Variants in ITGB3BP observed in about 807,000 individuals in gnomAD.
The protein encoded by ITGB3BP is centromere protein R.
Under a neutral mutation model 29.1 loss-of-function variants are expected in ITGB3BP, and 27 were observed. That is an observed-to-expected ratio of 0.93 (90% CI 0.68 to 1.28). The LOEUF is 1.28. Ranked by LOEUF, ITGB3BP falls within the 50% of genes most tolerant of loss-of-function variation. The probability of loss-of-function intolerance (pLI) is 0.00; values close to 1 mark genes in which losing one functional copy is unlikely to be tolerated. For synonymous variants in ITGB3BP, 61 were observed against 61.4 expected (o/e 0.99, Z 0.03); for missense variants, 192 against 200.2 (o/e 0.96, Z 0.25).
intron 4 of ITGB3BP, among the ~76,000 whole-genome samples, chr1:63,469,390 G>A (rs1041901348): frequency 2.0e-5 from 3 of 151,274 alleles, no homozygotes; most frequent in East Asian, 1.9e-4. Context: ...GCAATGGCAC[G>A]ATCTCGGCTC....
At chr1:63,443,761 A>G (rs142787992) in intron 8 of ITGB3BP, among the ~76,000 whole-genome samples, 183 of 152,210 alleles carry the variant, frequency 1.2e-3, no homozygotes, top group Non-Finnish European at 2.4e-3. Flanking sequence ...GAAGTAATAT[A>G]ATCTGGCAGC....
intron 7 of ITGB3BP, chr1:63,449,419 A>G (rs1421772681): frequency 1.3e-5 from 2 of 152,230 alleles, no homozygotes; most frequent in Non-Finnish European, 2.9e-5. Flanking sequence ...CTGTTAAAGT[A>G]TAAAAAATTT....
chr1:63,459,453 A>T, intron 4 of ITGB3BP, among the ~76,000 whole-genome samples: 1 of 152,260 alleles, frequency 6.6e-6, no homozygotes, highest in East Asian at 1.9e-4. Flanking sequence ...TATCTTTACA[A>T]TACTATGATT....
chr1:63,522,899 A>G (rs1570354197), intron 1 of ITGB3BP: 1 of 711,522 alleles, frequency 1.4e-6, no homozygotes, highest in East Asian at 2.7e-5. Context: ...AGTTTACGAA[A>G]TCTGTCAAAA....
At chr1:63,458,801 T>G (rs1644971979) in intron 4 of ITGB3BP, among the ~76,000 whole-genome samples, 1 of 152,172 alleles carries the variant, frequency 6.6e-6, no homozygotes, top group African/African-American at 2.4e-5. Context: ...AGGGACCCAG[T>G]AACTATTTGA....
chr1:63,465,069 T>C (rs1232288846), intron 4 of ITGB3BP, among the ~76,000 whole-genome samples: 5 of 152,210 alleles, frequency 3.3e-5, no homozygotes, highest in Admixed American at 2.6e-4. Flanking sequence ...ACAGTAATTA[T>C]ATCAATGTTA....
chr1:63,509,266 C>A (rs553171755), intron 1 of ITGB3BP, among the ~76,000 whole-genome samples: 1 of 152,328 alleles, frequency 6.6e-6, no homozygotes, highest in African/African-American at 2.4e-5. Context: ...ATTTATAATA[C>A]TTTATTTCAT....
chr1:63,454,103 AAATAT>A lies in ITGB3BP; in HGVS notation c.428-134_428-130del, dbSNP rs1287853525. Reference sequence around the variant, plus strand: ...TACATATTTATAAGTACCAAATATAAAATATAATACCTTATTATATATTATAAAAA... The same window carrying A: ...TACATATTTATAAGTACCAAATATAAAATACCTTATTATATATTATAAAAA... On this transcript the variant is annotated intron_variant, in intron 6 of 8. Coordinates refer to ENST00000271002, the MANE Select transcript of ITGB3BP (RefSeq NM_014288.5). This position sits in a 1 kb window ranked among gnomAD's most constrained non-coding sequence, Gnocchi z 4.1. The A allele has an allele frequency of 1.3e-5, 7 of 540,422 alleles. No individual in the cohort carries two copies. The highest frequency in any genetic ancestry group is 3.8e-5 in the African/African-American group (2 of 52,034). The allele number at this position is 540,422 out of a possible 1,614,324, so 33.5% of individuals were successfully genotyped here.
In ITGB3BP at chr1:63,442,350, T is replaced by C. The variant is rs559381238; in HGVS notation, c.*2-1247A>G. On this transcript the variant is annotated intron_variant, in intron 8 of 8. Transcript: ENST00000271002. ...AATTCTTCCCTCCTTGTAGTTTCCC[T>C]ATCACTGTCTACTCTCAATCCCAGT... Among the ~76,000 whole-genome samples, 12 of 152,326 alleles carry C rather than the reference T, an allele frequency of 7.9e-5. 1 individual carries two copies. The highest frequency in any genetic ancestry group is 2.9e-4 in the African/African-American group (12 of 41,572).
intron 8 of ITGB3BP, among the ~76,000 whole-genome samples, chr1:63,441,524 CTG>C (rs1409287524): frequency 1.3e-5 from 2 of 152,216 alleles, no homozygotes; most frequent in African/African-American, 2.4e-5. Flanking sequence ...GCATGAGCCA[CTG>C]TGCCCGGCCT....
chr1:63,454,532 G>A lies in ITGB3BP; in HGVS notation c.334-59C>T. ...TCTACACACATGAGATTACTGACAT[G>A]TCTAGTGAAAATACAGTATATTGTT... On this transcript the variant is annotated intron_variant, in intron 5 of 8. Coordinates refer to ENST00000271002, the MANE Select transcript of ITGB3BP (RefSeq NM_014288.5). This position sits in a 1 kb window ranked among gnomAD's most constrained non-coding sequence, Gnocchi z 4.1. The A allele has an allele frequency of 1.3e-6, 1 of 781,616 alleles. No homozygotes were observed. The highest frequency in any genetic ancestry group is 2.1e-6 in the Non-Finnish European group (1 of 472,258). 48.4% of individuals were successfully genotyped at this position (781,616 alleles called of 1,614,324 possible). A position where few individuals can be genotyped will look rare whatever the true frequency, so the allele number is the denominator to read the frequency against.
chr1:63,450,665 C>A (rs1222567158), intron 7 of ITGB3BP, among the ~76,000 whole-genome samples: 1 of 151,928 alleles, frequency 6.6e-6, no homozygotes, highest in Non-Finnish European at 1.5e-5. Context: ...ACATCCAAAT[C>A]TTACAGAAAA....
chr1:63,497,238 G>A lies in ITGB3BP; in HGVS notation c.49-7020C>T, dbSNP rs146290866. Among the ~76,000 whole-genome samples, 590 of 152,192 alleles carry A rather than the reference G, an allele frequency of 3.9e-3. 3 individuals carry two copies. Among genetic ancestry groups the A allele is most frequent in the African/African-American group, 0.013 (526 of 41,488 alleles). On this transcript the variant is annotated intron_variant, in intron 2 of 8. Transcript: ENST00000271002. ...GAGGATCACTTGAGTCGAGGAGTTC[G>A]AGGCTGCAGTGAAACATGATTATAC...
chr1:63,454,881 A>C lies in ITGB3BP; in HGVS notation c.333+9T>G, dbSNP rs1303444194. 2 of 1,398,826 alleles carry C rather than the reference A, an allele frequency of 1.4e-6. No homozygotes were observed. The highest frequency in any genetic ancestry group is 2.0e-6 in the Non-Finnish European group (2 of 991,764). 86.7% of individuals were successfully genotyped at this position (1,398,826 alleles called of 1,614,324 possible). A position where few individuals can be genotyped will look rare whatever the true frequency, so the allele number is the denominator to read the frequency against. On this transcript the variant is annotated intron_variant, in intron 5 of 8. Coordinates refer to ENST00000271002, the MANE Select transcript of ITGB3BP (RefSeq NM_014288.5). This position sits in a 1 kb window ranked among gnomAD's most constrained non-coding sequence, Gnocchi z 4.1. Reference sequence around the variant, plus strand: ...TTCAAACAGGGTAGAAGTATGAAAAAATGCAAACCTGTATACTACTTAAAT... The same window carrying C: ...TTCAAACAGGGTAGAAGTATGAAAACATGCAAACCTGTATACTACTTAAAT...
chr1:63,488,901 T>C (rs1180360206), intron 3 of ITGB3BP, among the ~76,000 whole-genome samples: 1 of 152,040 alleles, frequency 6.6e-6, no homozygotes, highest in East Asian at 1.9e-4. Context: ...CCAACTGAAA[T>C]CATGTGACCA....
At chr1:63,445,916 T>C (rs1644785614) in intron 8 of ITGB3BP, among the ~76,000 whole-genome samples, 2 of 151,612 alleles carry the variant, frequency 1.3e-5, no homozygotes. Flanking sequence ...GTTGTTGTTT[T>C]TTCCTGAGAC....
At chr1:63,475,888 C>T (rs1242618666) in intron 4 of ITGB3BP, among the ~76,000 whole-genome samples, 2 of 149,802 alleles carry the variant, frequency 1.3e-5, no homozygotes, top group Non-Finnish European at 3.0e-5. Context: ...ATCCCAGCTA[C>T]TAGGGAGGCT....
At chr1:63,444,309 CTG>C (rs760483674) in intron 8 of ITGB3BP, among the ~76,000 whole-genome samples, 12 of 151,884 alleles carry the variant, frequency 7.9e-5, no homozygotes, top group Non-Finnish European at 1.3e-4. Context: ...AAATGTGTAA[CTG>C]TGACGATGTA....
chr1:63,454,869 G>C lies in ITGB3BP; in HGVS notation c.333+21C>G. ...CATTTTATCCTTTTCAAACAGGGTA[G>C]AAGTATGAAAAAATGCAAACCTGTA... On this transcript the variant is annotated intron_variant, in intron 5 of 8. Coordinates refer to ENST00000271002, the MANE Select transcript of ITGB3BP (RefSeq NM_014288.5). This position sits in a 1 kb window ranked among gnomAD's most constrained non-coding sequence, Gnocchi z 4.1. The C allele has an allele frequency of 8.8e-7, 1 of 1,137,026 alleles. No individual in the cohort carries two copies. The highest frequency in any genetic ancestry group is 1.3e-6 in the Non-Finnish European group (1 of 753,600). 70.4% of individuals were successfully genotyped at this position (1,137,026 alleles called of 1,614,324 possible). A position where few individuals can be genotyped will look rare whatever the true frequency, so the allele number is the denominator to read the frequency against.
Sources: allele counts gnomAD v4.1 joint callset (sites outside exome capture counted in the v4.1 genomes callset), GRCh38; gene constraint gnomAD v4.1.1; non-coding constraint Gnocchi (gnomAD v3.1); transcripts MANE v1.5; gene names NCBI Gene and HGNC (gene_info 2026-07-23, HGNC 2026-07-21).